Variants in ECHDC2 observed in about 807,000 individuals in gnomAD.
The protein encoded by ECHDC2 is enoyl-CoA hydratase domain-containing protein 2, mitochondrial.
ECHDC2 carries 34 observed loss-of-function variants against 40.6 expected under a neutral mutation model. The observed-to-expected ratio is 0.84, with a 90% CI of 0.64 to 1.11. The LOEUF (loss-of-function observed/expected upper bound fraction) is 1.11, where lower values mean the gene tolerates loss of function less well. Among genes scored for constraint, ECHDC2 ranks in the 50% most tolerant of loss-of-function variants. ECHDC2 has a pLI of 0.00. For synonymous variants in ECHDC2, 162 were observed against 166.6 expected (o/e 0.97, Z 0.21); for missense variants, 392 against 400.7 (o/e 0.98, Z 0.19).
chr1:52,905,416 C>T (rs982093817), intron 5 of ECHDC2: 54 of 382,626 alleles, frequency 1.4e-4, no homozygotes, highest in African/African-American at 9.8e-4. Flanking sequence ...CGAGGTACGA[C>T]GCTTGGAACA....
At chr1:52,904,344 C>T (rs180934745) in intron 7 of ECHDC2, among the ~76,000 whole-genome samples, 1 of 152,324 alleles carries the variant, frequency 6.6e-6, no homozygotes, top group African/African-American at 2.4e-5. Flanking sequence ...TGGCTAGTGG[C>T]TCCCATACTG....
intron 1 of ECHDC2, among the ~76,000 whole-genome samples, chr1:52,916,635 C>CA (rs1328813020): frequency 6.6e-6 from 1 of 152,210 alleles, no homozygotes; most frequent in Non-Finnish European, 1.5e-5. Flanking sequence ...GGGAGCCCCC[C>CA]AGGAGCCAGG....
Position 52,911,634 on chromosome 1 carries a change from T to C in ECHDC2, c.209A>G (p.Gln70Arg), listed in dbSNP as rs759397766. Residue 70 changes from glutamine to arginine, a missense_variant, in exon 3 of 10, where the codon CAG (glutamine) becomes CGG (arginine). Coordinates refer to ENST00000371522, the MANE Select transcript of ECHDC2 (RefSeq NM_001198961.2). ...FVSELLETLA[Q>R]LREDRQVRVL... Reference sequence around the variant, plus strand: ...ACGCACTTGCCGGTCCTCCCGCAGCTGGGCCAGAGTTTCCAGCAGCTACAG... The same window carrying C: ...ACGCACTTGCCGGTCCTCCCGCAGCCGGGCCAGAGTTTCCAGCAGCTACAG... The C allele has an allele frequency of 2.5e-6, 4 of 1,614,194 alleles. No homozygotes were observed. In the South Asian group the frequency reaches 4.4e-5, roughly 18 times the overall value.
At chr1:52,907,686 G>T in intron 4 of ECHDC2, 182 bp downstream of exon 4, 2 of 571,728 alleles carry the variant, frequency 3.5e-6, no homozygotes, top group Non-Finnish European at 6.2e-6. Flanking sequence ...TGAAGAGCCA[G>T]AACTCCCTCT....
intron 5 of ECHDC2, chr1:52,906,315 G>C (rs1647795748): frequency 1.5e-6 from 1 of 672,206 alleles, no homozygotes; most frequent in Non-Finnish European, 2.8e-6. Flanking sequence ...GTTCTGACAG[G>C]TCACAGATAC....
Position 52,904,733 on chromosome 1 carries a change from C to T in ECHDC2, c.615G>A (p.Gly205=). 1.9e-6 allele frequency: 3 copies of T among 1,612,892 alleles called. No individual in the cohort carries two copies. The highest frequency in any genetic ancestry group is 2.5e-6 in the Non-Finnish European group (3 of 1,179,984). The part of the protein sequence containing the change: ...RLSGTEAHVL[G]LVNHAVAQNE... ...TCTGGGCCACAGCGTGATTCACCAG[C>T]CCCAGTACGTGGGCCTCAGTTCCAC... is the stretch of plus-strand genomic sequence containing the variant. The change falls in exon 7 of 10, where the codon GGG becomes GGA. Residue 205 remains glycine (G), a synonymous_variant. Transcript: ENST00000371522.
rs759233702 is a variant in ECHDC2 at position 52,904,741 on chromosome 1, C to G, written c.607G>C (p.Val203Leu). 1.9e-6 allele frequency: 3 copies of G among 1,612,834 alleles called. No individual in the cohort carries two copies. In the East Asian group the frequency reaches 6.7e-5, roughly 36 times the overall value. ...ACAGCGTGATTCACCAGCCCCAGTA[C>G]GTGGGCCTCAGTTCCACTCAGTCGT... ...GRRLSGTEAH[V>L]LGLVNHAVAQ... The change falls in exon 7 of 10, where the codon GTA becomes CTA. Residue 203 changes from valine to leucine, a missense_variant. Val to Leu is a conservative substitution (Grantham distance 32). Coordinates refer to ENST00000371522, the MANE Select transcript of ECHDC2 (RefSeq NM_001198961.2).
At chr1:52,912,553 T>C (rs1266980809) in intron 1 of ECHDC2, among the ~76,000 whole-genome samples, 4 of 151,954 alleles carry the variant, frequency 2.6e-5, no homozygotes, top group Non-Finnish European at 5.9e-5. Flanking sequence ...TGAGGAGTTA[T>C]GATAAGGCAA....
chr1:52,904,927 A>T (rs991700280), intron 6 of ECHDC2, 94 bp from the exon 7 acceptor site: 76 of 1,597,904 alleles, frequency 4.8e-5, no homozygotes, highest in Non-Finnish European at 6.5e-5. Context: ...TTCTCAGAGG[A>T]GCAGGGTTCA....
intron 5 of ECHDC2, 49 bp from the exon 6 acceptor site, chr1:52,905,139 A>T (rs373298927): frequency 1.8e-5 from 29 of 1,597,824 alleles, no homozygotes; most frequent in Non-Finnish European, 2.4e-5. Flanking sequence ...CCGGTCCCCC[A>T]GTGCTAATCC....
intron 1 of ECHDC2, chr1:52,912,772 C>T (rs1177621058): frequency 6.6e-6 from 1 of 152,148 alleles, no homozygotes; most frequent in Non-Finnish European, 1.5e-5. Flanking sequence ...ACCACAACCT[C>T]CGCCTCCCAG....
At chr1:52,899,302 T>C (rs993949893) in intron 7 of ECHDC2, 78 bp from the exon 8 acceptor site, 3 of 1,425,988 alleles carry the variant, frequency 2.1e-6, no homozygotes, top group Non-Finnish European at 2.0e-6. Flanking sequence ...CAGCTTTGTT[T>C]TAAAGGAGGG....
At chr1:52,896,953 TTC>T (rs1278802899) in intron 9 of ECHDC2, 2 of 307,454 alleles carry the variant, frequency 6.5e-6, no homozygotes, top group Non-Finnish European at 1.2e-5. Flanking sequence ...TCACACTAGT[TTC>T]TCCAAGTCCC....
chr1:52,909,218 CAG>C (rs1391916772), intron 3 of ECHDC2, among the ~76,000 whole-genome samples: 1 of 152,084 alleles, frequency 6.6e-6, no homozygotes, highest in African/African-American at 2.4e-5. Flanking sequence ...AAAAGTTAAA[CAG>C]AATTACCATA....
At position 52,897,496 on chromosome 1, in the gene ECHDC2, A is replaced by C; in HGVS notation, c.754-12T>G. On this transcript the variant is annotated splice_polypyrimidine_tract_variant and intron_variant, in intron 8 of 9. Transcript: ENST00000371522. Reference sequence around the variant, plus strand: ...GATGCAATGTCCACCTGCAAGAAAGACGTGCTCCCTGGATTGGTCTGACCT... The same window carrying C: ...GATGCAATGTCCACCTGCAAGAAAGCCGTGCTCCCTGGATTGGTCTGACCT... 1 of 1,614,142 alleles carries C rather than the reference A, an allele frequency of 6.2e-7. No individual in the cohort carries two copies. The highest frequency in any genetic ancestry group is 8.5e-7 in the Non-Finnish European group (1 of 1,180,002).
chr1:52,900,996 A>C (rs1345371779), intron 7 of ECHDC2: 1 of 152,018 alleles, frequency 6.6e-6, no homozygotes, highest in Non-Finnish European at 1.5e-5. Context: ...CCATCTCTAC[A>C]AAAAATAAAA....
intron 9 of ECHDC2, 180 bp from the exon 10 acceptor site, chr1:52,896,777 ACAGGC>A: frequency 1.7e-6 from 1 of 590,850 alleles, no homozygotes; most frequent in South Asian, 2.0e-5. Context: ...CCTGGGGAAG[ACAGGC>A]CAGCCTTTGT....
chr1:52,909,324 C>T (rs1484769896), intron 3 of ECHDC2, among the ~76,000 whole-genome samples: 2 of 152,092 alleles, frequency 1.3e-5, no homozygotes, highest in Non-Finnish European at 2.9e-5. Context: ...GGTTCCAGGA[C>T]CCCTCAGATA....
intron 1 of ECHDC2, chr1:52,913,732 G>A (rs12076231): frequency 0.023 from 3,863 of 165,326 alleles, 169 homozygotes; most frequent in African/African-American, 0.088. Context: ...CCAGAGGCAC[G>A]TGTTGCAACT....
Sources: allele counts gnomAD v4.1 joint callset (sites outside exome capture counted in the v4.1 genomes callset), GRCh38; gene constraint gnomAD v4.1.1; transcripts MANE v1.5; gene names NCBI Gene and HGNC (gene_info 2026-07-23, HGNC 2026-07-21).